The following CSMD1 variants were observed in gnomAD, a reference collection of about 807,000 sequenced individuals.
The protein encoded by CSMD1 is CUB and Sushi multiple domains 1.
In CSMD1, 213 loss-of-function variants were observed where a neutral mutation model predicts 417.5. The ratio of observed to expected loss-of-function variants is 0.51; its 90% CI spans 0.46 to 0.57. The LOEUF is 0.57. Among genes scored for constraint, CSMD1 ranks in the 20% least tolerant of loss-of-function variants. CSMD1 has a pLI of 0.00. For synonymous variants in CSMD1, 2,862 were observed against 1,736.8 expected, an observed-to-expected ratio of 1.65 and a Z score of -16.11; for missense variants, 6,923 against 4,529.7, an observed-to-expected ratio of 1.53 and a Z score of -15.17.
At chr8:3,153,962 T>C (rs1029830359) in intron 39 of CSMD1, among the ~76,000 whole-genome samples, 7 of 152,204 alleles carry the variant, frequency 4.6e-5, no homozygotes, top group African/African-American at 2.4e-5. Flanking sequence ...TATCCATCTT[T>C]TCTTCCTTTG....
rs1162371023 is a variant in CSMD1 at position 3,491,630 on chromosome 8, A to T, written c.1448+1993T>A. Among the ~76,000 whole-genome samples, 3 of 152,180 alleles carry T rather than the reference A, an allele frequency of 2.0e-5. No homozygotes were observed. The South Asian group carries it at 6.2e-4, about 32-fold the overall frequency. ...AATGAAGGAGTCGTGTCCCTGGTGG[A>T]GTCCTCTTCTGGGTCCATCGATTTT... On this transcript the variant is annotated intron_variant, in intron 11 of 69. Transcript: ENST00000635120.
intron 2 of CSMD1, among the ~76,000 whole-genome samples, chr8:4,457,352 C>A (rs1008978570): frequency 6.6e-6 from 1 of 151,760 alleles, no homozygotes; most frequent in Non-Finnish European, 1.5e-5. Flanking sequence ...GAGGGGTTTG[C>A]GGAGGAAGAA....
chr8:4,737,069 G>C (rs1464205006), intron 1 of CSMD1, among the ~76,000 whole-genome samples: 1 of 152,060 alleles, frequency 6.6e-6, no homozygotes, highest in Non-Finnish European at 1.5e-5. Context: ...CAAAAGAAAA[G>C]ACATGTAATC....
chr8:4,787,968 G>A (rs767289180), intron 1 of CSMD1: 18 of 1,595,634 alleles, frequency 1.1e-5, no homozygotes, highest in Non-Finnish European at 1.5e-5. Flanking sequence ...CTGGCCATCA[G>A]GAGATCGAAG....
intron 1 of CSMD1, chr8:4,787,241 C>T (rs1585097226): frequency 1.9e-6 from 1 of 516,294 alleles, no homozygotes; most frequent in East Asian, 3.6e-5. Context: ...GCGCCTCCTT[C>T]CCCGCCCAGA....
chr8:4,979,639 C>T (rs1390856741), intron 1 of CSMD1, among the ~76,000 whole-genome samples: 1 of 152,224 alleles, frequency 6.6e-6, no homozygotes, highest in Non-Finnish European at 1.5e-5. Flanking sequence ...CTAATTGGAG[C>T]AGTCCTCACA....
chr8:4,153,490 T>C (rs1373408199), intron 3 of CSMD1, among the ~76,000 whole-genome samples: 1 of 152,214 alleles, frequency 6.6e-6, no homozygotes, highest in Non-Finnish European at 1.5e-5. Context: ...CCAGTCTTTC[T>C]GACATTTCTG....
chr8:3,687,811 C>T (rs975644814), intron 7 of CSMD1, among the ~76,000 whole-genome samples: 1 of 152,186 alleles, frequency 6.6e-6, no homozygotes. Flanking sequence ...TTAAGTCTCT[C>T]TCGAGAAAGG....
intron 11 of CSMD1, among the ~76,000 whole-genome samples, chr8:3,469,548 C>G (rs1208862755): frequency 1.3e-5 from 2 of 152,086 alleles, no homozygotes; most frequent in African/African-American, 2.4e-5. Flanking sequence ...ACACTAAATC[C>G]ATTGATTGAA....
At position 4,402,448 on chromosome 8, in the gene CSMD1, C is replaced by T. The variant is rs568148082; in HGVS notation, c.415+17505G>A. 3.3e-5 allele frequency among the ~76,000 whole-genome samples: 5 copies of T among 152,254 alleles called. No individual in the cohort carries two copies. The East Asian group carries it at 9.7e-4, about 29-fold the overall frequency. ...GCAGCTGAGAGTGACTGGAAGATAG[C>T]ATGGAGCTAAGCTTCCTGGTCTCTC... On this transcript the variant is annotated intron_variant, in intron 3 of 69. Transcript: ENST00000635120.
intron 3 of CSMD1, among the ~76,000 whole-genome samples, chr8:4,334,145 T>C (rs1295954620): frequency 2.0e-5 from 3 of 152,062 alleles, no homozygotes; most frequent in Non-Finnish European, 2.9e-5. Flanking sequence ...GAACTCAAGA[T>C]ATCCTCTGGC....
intron 3 of CSMD1, among the ~76,000 whole-genome samples, chr8:4,400,766 T>G (rs1370839456): frequency 6.6e-6 from 1 of 152,030 alleles, no homozygotes; most frequent in East Asian, 1.9e-4. Context: ...GATCAGTTTT[T>G]TTTTTTTTTT....
At chr8:4,910,810 A>C (rs953645989) in intron 1 of CSMD1, among the ~76,000 whole-genome samples, 6 of 152,204 alleles carry the variant, frequency 3.9e-5, no homozygotes, top group Non-Finnish European at 8.8e-5. Context: ...CCAATTGATA[A>C]ATGTCATTAG....
intron 5 of CSMD1, among the ~76,000 whole-genome samples, chr8:3,947,900 G>C (rs1284982629): frequency 1.3e-5 from 2 of 152,052 alleles, no homozygotes; most frequent in East Asian, 3.9e-4. Context: ...TTAGTTAAAA[G>C]TCCTGTTAAA....
At chr8:3,221,665 C>G (rs1397809092) in intron 28 of CSMD1, among the ~76,000 whole-genome samples, 1 of 151,864 alleles carries the variant, frequency 6.6e-6, no homozygotes, top group Non-Finnish European at 1.5e-5. Context: ...TTGGAGAACT[C>G]CTTATTTCTA....
In CSMD1 at chr8:4,272,698, CTG is replaced by C. The variant is rs780013772; in HGVS notation, c.415+147253_415+147254del. On this transcript the variant is annotated intron_variant, in intron 3 of 69. Transcript: ENST00000635120. The stretch of plus-strand genomic sequence containing the variant: ...ATGAACATAAAATATATTTGGAAGA[CTG>C]TACATTTTCATTCTGTAATTCTTGA... 4.6e-5 allele frequency among the ~76,000 whole-genome samples: 7 copies of C among 152,252 alleles called. No homozygotes were observed. The South Asian group carries it at 6.2e-4, about 13-fold the overall frequency.
chr8:4,808,729 T>A (rs1798725561), intron 1 of CSMD1, among the ~76,000 whole-genome samples: 1 of 152,200 alleles, frequency 6.6e-6, no homozygotes, highest in African/African-American at 2.4e-5. Flanking sequence ...TCAGAAAGTT[T>A]GCCTAATGGG....
chr8:3,756,251 G>A (rs934992543), intron 5 of CSMD1, among the ~76,000 whole-genome samples: 1 of 151,780 alleles, frequency 6.6e-6, no homozygotes, highest in East Asian at 2.0e-4. Context: ...TACTCGGGAG[G>A]CTGAGGCAGG....
intron 10 of CSMD1, among the ~76,000 whole-genome samples, chr8:3,543,158 A>G (rs187477142): frequency 7.0e-4 from 106 of 152,314 alleles, no homozygotes; most frequent in Non-Finnish European, 1.0e-3. Context: ...ACAAAAGTCA[A>G]TACCCTGAGA....
Sources: gnomAD v4.1 joint callset for allele counts (sites outside exome capture counted in the v4.1 genomes callset) on GRCh38, gnomAD v4.1.1 for gene constraint, MANE v1.5 for transcripts, NCBI Gene and HGNC (gene_info 2026-07-23, HGNC 2026-07-21) for gene names.